EYS: variants seen among roughly 807,000 people sequenced by gnomAD.
EYS encodes the protein EGF-like photoreceptor maintenance factor, also known as protein eyes shut homolog.
In EYS, 250 loss-of-function variants were observed where a neutral mutation model predicts 282.1. The observed-to-expected ratio is 0.89, with a 90% CI of 0.80 to 0.98. EYS has a LOEUF of 0.98. Among genes scored for constraint, EYS ranks in the 50% least tolerant of loss-of-function variants. EYS has a pLI of 0.00. For synonymous variants in EYS, 1,355 were observed against 1,282.9 expected (o/e 1.06, Z -1.20); for missense variants, 4,016 against 3,709.0 (o/e 1.08, Z -2.15).
intron 29 of EYS, among the ~76,000 whole-genome samples, chr6:64,326,706 C>T (rs1345063896): frequency 6.6e-6 from 1 of 152,112 alleles, no homozygotes; most frequent in Non-Finnish European, 1.5e-5. Context: ...ACTTGGGGTC[C>T]TTGGCACTGC....
At chr6:64,562,047 C>G (rs963286317) in intron 26 of EYS, among the ~76,000 whole-genome samples, 1 of 151,614 alleles carries the variant, frequency 6.6e-6, no homozygotes, top group Non-Finnish European at 1.5e-5. Context: ...CAAAAACAGG[C>G]ACATAGACCA....
intron 18 of EYS, among the ~76,000 whole-genome samples, chr6:64,897,978 G>T (rs866319797): frequency 6.6e-6 from 1 of 152,192 alleles, no homozygotes; most frequent in Non-Finnish European, 1.5e-5. Context: ...ACCTACATTT[G>T]ATTGGTGTAC....
chr6:64,874,110 T>G (rs1243758015), intron 19 of EYS, among the ~76,000 whole-genome samples: 1 of 152,092 alleles, frequency 6.6e-6, no homozygotes, highest in Non-Finnish European at 1.5e-5. Context: ...ATAATGACAG[T>G]GCAGAAAGGC....
chr6:64,794,479 CT>C (rs1774293544), intron 22 of EYS, among the ~76,000 whole-genome samples: 1 of 152,138 alleles, frequency 6.6e-6, no homozygotes, highest in South Asian at 2.1e-4. Flanking sequence ...CTCTCACTCT[CT>C]CTTCTGCCCA....
intron 35 of EYS, among the ~76,000 whole-genome samples, chr6:63,947,781 G>T (rs1213679112): frequency 1.3e-5 from 2 of 152,046 alleles, no homozygotes; most frequent in African/African-American, 4.8e-5. Flanking sequence ...AGCAATCATT[G>T]GTTATGCCTT....
At chr6:63,788,422 A>G (rs1770423645) in intron 38 of EYS, among the ~76,000 whole-genome samples, 173 bp from the exon 39 acceptor site, 1 of 152,216 alleles carries the variant, frequency 6.6e-6, no homozygotes, top group Non-Finnish European at 1.5e-5. Context: ...GGTGTCTGTT[A>G]CCAGGGATAT....
At chr6:65,642,855 C>G (rs1031237352) in intron 1 of EYS, among the ~76,000 whole-genome samples, 1 of 152,104 alleles carries the variant, frequency 6.6e-6, no homozygotes, top group Non-Finnish European at 1.5e-5. Context: ...AAACACCTAG[C>G]CTCCAGAAAA....
At chr6:65,320,970 C>T (rs1028824736) in intron 11 of EYS, among the ~76,000 whole-genome samples, 2 of 152,164 alleles carry the variant, frequency 1.3e-5, no homozygotes, top group South Asian at 4.1e-4. Context: ...TGACTTCTCC[C>T]TCTGCTCAAT....
At chr6:64,084,431 G>A (rs1253803200) in intron 31 of EYS, among the ~76,000 whole-genome samples, 1 of 152,224 alleles carries the variant, frequency 6.6e-6, no homozygotes, top group African/African-American at 2.4e-5. Context: ...AAAGTAAAGG[G>A]TGGGAGAGTT....
chr6:65,492,389 A>C (rs1274216079), intron 4 of EYS, among the ~76,000 whole-genome samples: 1 of 150,188 alleles, frequency 6.7e-6, no homozygotes, highest in African/African-American at 2.4e-5. Flanking sequence ...GAAGCAAAGA[A>C]GGAAAGAAGG....
At position 65,606,102 on chromosome 6, in the gene EYS, A is replaced by G. The variant is rs556265021; in HGVS notation, c.-333+33676T>C. Among the ~76,000 whole-genome samples the G allele has an allele frequency of 2.5e-4, 38 of 151,788 alleles. No individual in the cohort carries two copies. In the East Asian group the frequency reaches 7.0e-3, roughly 28 times the overall value. ...CAATAGTCGCAAATTTTTAAAAACAATATTTATTTACATGACAAAATGGTA... is the reference window on the plus strand; with the variant it reads ...CAATAGTCGCAAATTTTTAAAAACAGTATTTATTTACATGACAAAATGGTA... On this transcript the variant is annotated intron_variant, in intron 2 of 42. Coordinates refer to ENST00000503581, the MANE Select transcript of EYS (RefSeq NM_001142800.2).
At chr6:64,907,634 C>T (rs1285397057) in intron 16 of EYS, among the ~76,000 whole-genome samples, 2 of 152,112 alleles carry the variant, frequency 1.3e-5, no homozygotes, top group African/African-American at 4.8e-5. Context: ...AGATCATCTC[C>T]ACATGAAGAG....
At chr6:63,883,065 T>C (rs1287696650) in intron 35 of EYS, among the ~76,000 whole-genome samples, 2 of 152,176 alleles carry the variant, frequency 1.3e-5, no homozygotes, top group African/African-American at 2.4e-5. Flanking sequence ...TATTATAACA[T>C]AGTATTCACC....
intron 2 of EYS, among the ~76,000 whole-genome samples, chr6:65,599,278 A>G (rs1260666949): frequency 6.6e-6 from 1 of 152,130 alleles, no homozygotes; most frequent in African/African-American, 2.4e-5. Flanking sequence ...ATGTTGTTCA[A>G]CGGTAAACTG....
At chr6:64,978,741 G>T (rs543504012) in intron 14 of EYS, among the ~76,000 whole-genome samples, 6 of 151,986 alleles carry the variant, frequency 3.9e-5, no homozygotes, top group African/African-American at 1.2e-4. Flanking sequence ...ATAAGAGTTT[G>T]GAAGAAGTTT....
At chr6:65,607,763 A>G (rs1765852033) in intron 2 of EYS, among the ~76,000 whole-genome samples, 1 of 151,862 alleles carries the variant, frequency 6.6e-6, no homozygotes, top group Admixed American at 6.6e-5. Context: ...CACATACATT[A>G]TGCAGAATTT....
chr6:64,436,086 C>T (rs992534984), intron 28 of EYS, 88 bp downstream of exon 28: 1 of 708,148 alleles, frequency 1.4e-6, no homozygotes, highest in Non-Finnish European at 2.3e-6. Flanking sequence ...ATCAGTATAA[C>T]CTCAATTTTG....
chr6:64,916,116 G>T (rs1385208045), intron 15 of EYS, among the ~76,000 whole-genome samples: 1 of 152,104 alleles, frequency 6.6e-6, no homozygotes, highest in African/African-American at 2.4e-5. Flanking sequence ...ATTTTAAGAG[G>T]AGAAAAGCTA....
chr6:65,340,087 T>C (rs756977700), intron 10 of EYS, among the ~76,000 whole-genome samples: 1 of 151,096 alleles, frequency 6.6e-6, no homozygotes, highest in Non-Finnish European at 1.5e-5. Flanking sequence ...TGAATTAAAG[T>C]TCAAATTTAT....
Sources: allele counts gnomAD v4.1 joint callset (sites outside exome capture counted in the v4.1 genomes callset), GRCh38; gene constraint gnomAD v4.1.1; transcripts MANE v1.5; gene names NCBI Gene and HGNC (gene_info 2026-07-23, HGNC 2026-07-21).